SDK2: variants seen among roughly 807,000 people sequenced by gnomAD.
SDK2 encodes the protein sidekick cell adhesion molecule 2.
Under a neutral mutation model 253.9 loss-of-function variants are expected in SDK2, and 105 were observed. The ratio of observed to expected loss-of-function variants is 0.41; its 90% CI spans 0.35 to 0.49. The LOEUF (loss-of-function observed/expected upper bound fraction) is 0.49, where lower values mean the gene tolerates loss of function less well. Among genes scored for constraint, SDK2 ranks in the 20% least tolerant of loss-of-function variants. The pLI is 0.06. For synonymous variants in SDK2, 1,249 were observed against 1,234.9 expected, an observed-to-expected ratio of 1.01 and a Z score of -0.24; for missense variants, 2,608 against 3,003.0, an observed-to-expected ratio of 0.87 and a Z score of 3.07.
intron 18 of SDK2, among the ~76,000 whole-genome samples, chr17:73,410,621 ATGCTGCTTCTTAGAGTCCCTG>A (rs2063117774): frequency 6.6e-6 from 1 of 152,164 alleles, no homozygotes; most frequent in African/African-American, 2.4e-5. Context: ...CCGGCCGATA[ATGCTGCTTCTTAGAGTCCCTG>A]TGCTGCTTGC....
chr17:73,397,102 G>A (rs1176162638), intron 24 of SDK2, among the ~76,000 whole-genome samples: 1 of 152,244 alleles, frequency 6.6e-6, no homozygotes, highest in Non-Finnish European at 1.5e-5. Context: ...CAAAGGGTTT[G>A]TGTGGTCAGA....
At position 73,481,670 on chromosome 17, in the gene SDK2, C is replaced by T. The variant is rs142239079; in HGVS notation, c.225-9452G>A. On this transcript the variant is annotated intron_variant, in intron 2 of 44. Coordinates refer to ENST00000392650, the MANE Select transcript of SDK2 (RefSeq NM_001144952.2). This position sits in a 1 kb window ranked among gnomAD's most constrained non-coding sequence, Gnocchi z 4.5. ...TGAGGGCTCGGATGGCACAAAAAGG[C>T]GGAGGGAGGAGGAATGTGCTGTCTT... 6.6e-6 allele frequency among the ~76,000 whole-genome samples: 1 copy of T among 152,246 alleles called. No homozygotes were observed. The highest frequency in any genetic ancestry group is 2.4e-5 in the African/African-American group (1 of 41,560).
At chr17:73,419,864 A>G (rs1465399075) in intron 15 of SDK2, among the ~76,000 whole-genome samples, 1 of 151,578 alleles carries the variant, frequency 6.6e-6, no homozygotes, top group African/African-American at 2.4e-5. Flanking sequence ...AGCCTGGGAA[A>G]CAGAGACCCT....
At chr17:73,542,123 G>A (rs2044878474) in intron 1 of SDK2, among the ~76,000 whole-genome samples, 1 of 152,246 alleles carries the variant, frequency 6.6e-6, no homozygotes. Flanking sequence ...ACCTGGGACT[G>A]GCCCATCTCA....
rs187276816 is a variant in SDK2, at chr17:73,376,268, C to T, written c.4980+2909G>A. 3.7e-4 allele frequency among the ~76,000 whole-genome samples: 51 copies of T among 138,566 alleles called. No individual in the cohort carries two copies. The East Asian group carries it at 0.012, about 32-fold the overall frequency. 90.9% of individuals were successfully genotyped at this position (138,566 alleles called of 152,430 possible). ...ACCTGCTTCATTTACCACCACCTGG[C>T]GGTATTATTTATTTTGCCCCGTGTT... On this transcript the variant is annotated intron_variant, in intron 36 of 44. Coordinates refer to ENST00000392650, the MANE Select transcript of SDK2 (RefSeq NM_001144952.2).
rs184710947 is a variant in SDK2 at position 73,481,554 on chromosome 17, G to A, written c.225-9336C>T. On this transcript the variant is annotated intron_variant, in intron 2 of 44. Transcript: ENST00000392650. The surrounding 1 kb of genome is among the most constrained non-coding windows in gnomAD (Gnocchi z 4.5). ...ACAGAGACAGAGAAAGAGAGAGACAGAAAGACAGGAGACAGAGTGGTGAAA... is the reference window on the plus strand; with the variant it reads ...ACAGAGACAGAGAAAGAGAGAGACAAAAAGACAGGAGACAGAGTGGTGAAA... 2.6e-5 allele frequency among the ~76,000 whole-genome samples: 4 copies of A among 152,252 alleles called. No individual in the cohort carries two copies. The highest frequency in any genetic ancestry group is 9.6e-5 in the African/African-American group (4 of 41,544).
At chr17:73,495,401 T>G (rs2063834724) in intron 2 of SDK2, among the ~76,000 whole-genome samples, 1 of 152,200 alleles carries the variant, frequency 6.6e-6, no homozygotes. Context: ...CAGGGCTGCC[T>G]CTTAACACCT....
At chr17:73,342,527 C>A (rs772845867) in intron 44 of SDK2, among the ~76,000 whole-genome samples, 1 of 152,276 alleles carries the variant, frequency 6.6e-6, no homozygotes, top group Middle Eastern at 3.4e-3. Context: ...TCTGTGAATG[C>A]GGGGGACCAG....
intron 41 of SDK2, among the ~76,000 whole-genome samples, chr17:73,351,787 T>A (rs1411616544): frequency 6.6e-6 from 1 of 152,140 alleles, no homozygotes; most frequent in African/African-American, 2.4e-5. Context: ...GAAGCACTTC[T>A]GTCCCAGGAT....
chr17:73,381,637 T>A (rs1019447652), intron 33 of SDK2, among the ~76,000 whole-genome samples: 2 of 151,832 alleles, frequency 1.3e-5, no homozygotes, highest in Non-Finnish European at 1.5e-5. Flanking sequence ...TCTCAGCACT[T>A]TGGGAAGCCA....
In SDK2 at chr17:73,443,753, C is replaced by A. The variant is rs926917766; in HGVS notation, c.614-2830G>T. On this transcript the variant is annotated intron_variant, in intron 5 of 44. Transcript: ENST00000392650. The surrounding 1 kb of genome is among the most constrained non-coding windows in gnomAD (Gnocchi z 4.6). ...CTGGGCTCAAAGCCTAGCTCTGCCC[C>A]CAGGTATCCTGGTGACTTCATCCTA... 1.3e-5 allele frequency among the ~76,000 whole-genome samples: 2 copies of A among 152,154 alleles called. No individual in the cohort carries two copies. The highest frequency in any genetic ancestry group is 2.9e-5 in the Non-Finnish European group (2 of 68,028).
At chr17:73,641,399 C>T (rs192774557) in intron 1 of SDK2, among the ~76,000 whole-genome samples, 61 of 152,252 alleles carry the variant, frequency 4.0e-4, no homozygotes, top group Non-Finnish European at 6.8e-4. Flanking sequence ...CTCTCTTCAG[C>T]GAAGCGGCAA....
At chr17:73,441,186 A>G (rs917458635) in intron 5 of SDK2, among the ~76,000 whole-genome samples, 7 of 148,062 alleles carry the variant, frequency 4.7e-5, no homozygotes, top group Admixed American at 1.4e-4. Flanking sequence ...CCTGTAAAGC[A>G]GCCACACCCC....
intron 1 of SDK2, among the ~76,000 whole-genome samples, chr17:73,640,207 A>G (rs968474601): frequency 3.3e-5 from 5 of 150,846 alleles, no homozygotes; most frequent in African/African-American, 1.2e-4. Context: ...GGACACGAGG[A>G]AGAGGCAGTC....
chr17:73,381,028 C>T (rs189138070), intron 33 of SDK2, 78 bp from the exon 34 acceptor site: 1 of 881,826 alleles, frequency 1.1e-6, no homozygotes, highest in Admixed American at 2.2e-5. Flanking sequence ...ACATCCCCAC[C>T]CCACAAAGAA....
chr17:73,380,955 G>A lies in SDK2; in HGVS notation c.4706-5C>T. ...GGTTCCGCATGGAGTACATGGCTATGGGGTGGGGGTGCCGGGGCGGGGGCG... is the reference window on the plus strand; with the variant it reads ...GGTTCCGCATGGAGTACATGGCTATAGGGTGGGGGTGCCGGGGCGGGGGCG... On this transcript the variant is annotated splice_region_variant and splice_polypyrimidine_tract_variant and intron_variant, in intron 33 of 44. Coordinates refer to ENST00000392650, the MANE Select transcript of SDK2 (RefSeq NM_001144952.2). 6.5e-7 allele frequency: 1 copy of A among 1,548,350 alleles called. No individual in the cohort carries two copies. The highest frequency in any genetic ancestry group is 1.2e-5 in the South Asian group (1 of 84,244).
chr17:73,536,535 C>T (rs927257494), intron 1 of SDK2, among the ~76,000 whole-genome samples: 1 of 152,186 alleles, frequency 6.6e-6, no homozygotes, highest in Admixed American at 6.5e-5. Context: ...GCTAGGTGTG[C>T]CGAAGCCTTT....
rs552308610 is a variant in SDK2 at position 73,373,927 on chromosome 17, G to A, written c.4980+5250C>T. On this transcript the variant is annotated intron_variant, in intron 36 of 44. Transcript: ENST00000392650. ...GCTGGGATTACAGGCATGAGCCACC[G>A]TGCCCAGCCTATGTATCTTCTTTTG... 9.6e-5 allele frequency among the ~76,000 whole-genome samples: 14 copies of A among 145,912 alleles called. 1 individual carries two copies. In the South Asian group the frequency reaches 1.8e-3, roughly 19 times the overall value.
intron 3 of SDK2, among the ~76,000 whole-genome samples, chr17:73,470,495 G>A (rs1265416562): frequency 2.0e-5 from 3 of 152,162 alleles, no homozygotes; most frequent in Non-Finnish European, 2.9e-5. Flanking sequence ...CTGCCCCCTG[G>A]ACTCTCAGCA....
Sources: allele counts gnomAD v4.1 joint callset (sites outside exome capture counted in the v4.1 genomes callset), GRCh38; gene constraint gnomAD v4.1.1; non-coding constraint Gnocchi (gnomAD v3.1); transcripts MANE v1.5; gene names NCBI Gene and HGNC (gene_info 2026-07-23, HGNC 2026-07-21).